Variants in PLXNA4 observed in about 807,000 individuals in gnomAD.
The protein encoded by PLXNA4 is plexin A4.
PLXNA4 carries 44 observed loss-of-function variants against 191.8 expected under a neutral mutation model. That is an observed-to-expected ratio of 0.23 (90% CI 0.18 to 0.29). PLXNA4 has a LOEUF of 0.29. Ranked by LOEUF, PLXNA4 falls within the 10% of genes least tolerant of loss-of-function variation. The pLI is 1.00. For missense variants in PLXNA4, 1,800 were observed against 2,488.8 expected (o/e 0.72, Z 5.89); for synonymous variants, 1,082 against 1,009.5 (o/e 1.07, Z -1.36).
Position 132,474,992 on chromosome 7 carries a change from A to G in PLXNA4, c.1371+14300T>C, listed in dbSNP as rs562807737. 8.5e-5 allele frequency among the ~76,000 whole-genome samples: 13 copies of G among 152,304 alleles called. 1 individual carries two copies. The highest frequency in any genetic ancestry group is 3.1e-4 in the African/African-American group (13 of 41,566). The stretch of plus-strand genomic sequence containing the variant: ...TACATTAATATGCTCATTACTCCAA[A>G]GGTGACATACGTGTGGATAAAGAAT... On this transcript the variant is annotated intron_variant, in intron 3 of 31. Coordinates refer to ENST00000321063, the MANE Select transcript of PLXNA4 (RefSeq NM_020911.2).
intron 4 of PLXNA4, among the ~76,000 whole-genome samples, chr7:132,253,293 T>A (rs1799320773): frequency 6.6e-6 from 1 of 150,544 alleles, no homozygotes; most frequent in Non-Finnish European, 1.5e-5. Context: ...TGGAGTGCAG[T>A]GGCGCGATCT....
intron 3 of PLXNA4, among the ~76,000 whole-genome samples, chr7:132,362,989 A>AT (rs1156667461): frequency 1.3e-5 from 2 of 152,088 alleles, no homozygotes; most frequent in Non-Finnish European, 2.9e-5. Flanking sequence ...AAACTATTTT[A>AT]TTTATTTATT....
In PLXNA4 at chr7:132,508,701, GCGGGTCC is replaced by G. The variant is rs1303021279; in HGVS notation, c.-15_-9del. 1 of 1,495,774 alleles carries G rather than the reference GCGGGTCC, an allele frequency of 6.7e-7. No individual in the cohort carries two copies. The allele number at this position is 1,495,774 out of a possible 1,614,324, so 92.7% of individuals were successfully genotyped here. On this transcript the variant is annotated 5_prime_UTR_variant, in exon 2 of 32. Coordinates refer to ENST00000321063, the MANE Select transcript of PLXNA4 (RefSeq NM_020911.2). This position sits in a 1 kb window ranked among gnomAD's most constrained non-coding sequence, Gnocchi z 4.4. ...CCAGGGCATGGCTTTCATGGCAGAG[GCGGGTCC>G]CAGTGGCACAGCAGCACTCAGGCAC...
At chr7:132,479,387 C>T (rs1264349784) in intron 3 of PLXNA4, among the ~76,000 whole-genome samples, 3 of 152,164 alleles carry the variant, frequency 2.0e-5, no homozygotes, top group Non-Finnish European at 4.4e-5. Flanking sequence ...AACCCCAAAC[C>T]AACACCCATT....
At chr7:132,511,609 C>G (rs1351417591) in intron 1 of PLXNA4, among the ~76,000 whole-genome samples, 2 of 152,170 alleles carry the variant, frequency 1.3e-5, no homozygotes, top group African/African-American at 2.4e-5. Context: ...AAAGCAGCAG[C>G]TGCACAGAGC....
chr7:132,343,668 C>T (rs1803128154), intron 3 of PLXNA4, among the ~76,000 whole-genome samples: 2 of 152,324 alleles, frequency 1.3e-5, no homozygotes, highest in African/African-American at 4.8e-5. Context: ...CCTGTAAATC[C>T]AGCACTTTGA....
chr7:132,489,271 A>G (rs1294541265), intron 3 of PLXNA4, 21 bp downstream of exon 3: 1 of 1,565,686 alleles, frequency 6.4e-7, no homozygotes, highest in South Asian at 1.1e-5. Flanking sequence ...AGTAACCAAA[A>G]GTACTGCACC....
At chr7:132,502,643 C>T (rs926930422) in intron 2 of PLXNA4, among the ~76,000 whole-genome samples, 5 of 152,132 alleles carry the variant, frequency 3.3e-5, no homozygotes, top group Admixed American at 6.5e-5. Context: ...TGAAACACCA[C>T]GGGAAGAGCA....
intron 4 of PLXNA4, among the ~76,000 whole-genome samples, chr7:132,241,735 C>T (rs749400335): frequency 1.4e-4 from 22 of 152,038 alleles, no homozygotes; most frequent in Admixed American, 6.5e-4. Flanking sequence ...GTTACTTGCC[C>T]GCTCTTTCTT....
chr7:132,377,315 T>C (rs1184675119), intron 3 of PLXNA4, among the ~76,000 whole-genome samples: 1 of 151,914 alleles, frequency 6.6e-6, no homozygotes, highest in East Asian at 1.9e-4. Flanking sequence ...CCAAGTGACC[T>C]TTGCCTCCTT....
intron 20 of PLXNA4, among the ~76,000 whole-genome samples, chr7:132,176,759 GGTGTGAGTGCATGA>G (rs1243751817): frequency 6.6e-6 from 1 of 151,642 alleles, no homozygotes; most frequent in Admixed American, 6.6e-5. Flanking sequence ...TGCCTGCGTG[GGTGTGAGTGCATGA>G]GTGTGTGTGT....
chr7:132,215,059 C>T (rs1170273076), intron 9 of PLXNA4, among the ~76,000 whole-genome samples: 2 of 152,212 alleles, frequency 1.3e-5, no homozygotes, highest in African/African-American at 2.4e-5. Flanking sequence ...GACCCATCTC[C>T]CTTGCTCCTG....
upstream of PLXNA4, among the ~76,000 whole-genome samples, chr7:132,580,112 A>G (rs1214876942): frequency 6.6e-6 from 1 of 152,156 alleles, no homozygotes; most frequent in Non-Finnish European, 1.5e-5. Flanking sequence ...AGGACATACC[A>G]TCTTATTAAT....
At chr7:132,365,999 T>C (rs1804167819) in intron 3 of PLXNA4, 1 of 152,102 alleles carries the variant, frequency 6.6e-6, no homozygotes, top group Admixed American at 6.5e-5. Context: ...GACTGTCTAG[T>C]TACAGGGAGC....
At chr7:132,484,906 A>T (rs1797486806) in intron 3 of PLXNA4, 1 of 1,614,078 alleles carries the variant, frequency 6.2e-7, no homozygotes, top group Admixed American at 1.7e-5. Context: ...AGCACTGAAG[A>T]TACACACACA....
At chr7:132,476,430 G>A (rs1274815755) in intron 3 of PLXNA4, among the ~76,000 whole-genome samples, 1 of 152,218 alleles carries the variant, frequency 6.6e-6, no homozygotes, top group Non-Finnish European at 1.5e-5. Context: ...ATGACTTTGA[G>A]AGATAAAAAT....
intron 1 of PLXNA4, among the ~76,000 whole-genome samples, chr7:132,529,885 G>A (rs1051191671): frequency 9.2e-5 from 14 of 152,146 alleles, no homozygotes; most frequent in African/African-American, 2.2e-4. Context: ...GATTACAGGC[G>A]TGAGCCACCG....
chr7:132,169,057 G>A (rs7782124), intron 21 of PLXNA4, among the ~76,000 whole-genome samples: 1 of 152,018 alleles, frequency 6.6e-6, no homozygotes. Flanking sequence ...TCGGAGTCAG[G>A]ACATCTGGGT....
intron 9 of PLXNA4, among the ~76,000 whole-genome samples, chr7:132,214,733 C>G (rs1209365904): frequency 6.6e-6 from 1 of 152,192 alleles, no homozygotes; most frequent in African/African-American, 2.4e-5. Flanking sequence ...TTTATCTTCA[C>G]CTTGAAGGCT....
Sources: allele counts gnomAD v4.1 joint callset (sites outside exome capture counted in the v4.1 genomes callset), GRCh38; gene constraint gnomAD v4.1.1; non-coding constraint Gnocchi (gnomAD v3.1); transcripts MANE v1.5; gene names NCBI Gene and HGNC (gene_info 2026-07-23, HGNC 2026-07-21).